Variants in ASXL3 observed in about 807,000 individuals in gnomAD.
The protein encoded by ASXL3 is ASXL transcriptional regulator 3, also known as putative Polycomb group protein ASXL3.
Under a neutral mutation model 170.6 loss-of-function variants are expected in ASXL3, and 34 were observed. The observed-to-expected ratio is 0.20, with a 90% CI of 0.15 to 0.27. ASXL3 has a LOEUF of 0.27. Ranked by LOEUF, ASXL3 falls within the 10% of genes least tolerant of loss-of-function variation. ASXL3 has a pLI of 1.00. For missense variants in ASXL3, 2,592 were observed against 2,695.3 expected (o/e 0.96, Z 0.85); for synonymous variants, 1,002 against 989.1 (o/e 1.01, Z -0.24).
intron 2 of ASXL3, among the ~76,000 whole-genome samples, chr18:33,618,784 G>T (rs193159126): frequency 2.0e-5 from 3 of 152,016 alleles, no homozygotes; most frequent in East Asian, 1.9e-4. Context: ...GTTATTTTTT[G>T]ATTTTAAAGT....
At chr18:33,632,356 C>CA (rs1006001049) in intron 2 of ASXL3, among the ~76,000 whole-genome samples, 1 of 152,124 alleles carries the variant, frequency 6.6e-6, no homozygotes, top group African/African-American at 2.4e-5. Flanking sequence ...ACAACCATGA[C>CA]AATCACTTGT....
intron 4 of ASXL3, among the ~76,000 whole-genome samples, chr18:33,652,234 C>T (rs932290442): frequency 1.3e-5 from 2 of 151,958 alleles, no homozygotes; most frequent in African/African-American, 4.8e-5. Context: ...GAGCATAATA[C>T]ATTGATATAT....
chr18:33,666,675 C>A (rs2066260246), intron 5 of ASXL3, among the ~76,000 whole-genome samples: 2 of 152,096 alleles, frequency 1.3e-5, no homozygotes, highest in Admixed American at 1.3e-4. Context: ...AAGCTCAAAG[C>A]TGCAGACAGT....
At chr18:33,650,076 CA>C (rs1479255919) in intron 4 of ASXL3, among the ~76,000 whole-genome samples, 1 of 151,898 alleles carries the variant, frequency 6.6e-6, no homozygotes, top group Non-Finnish European at 1.5e-5. Context: ...TTCTTTTTTG[CA>C]CAAAGATGTT....
chr18:33,727,447 T>C (rs1460633634), intron 8 of ASXL3, among the ~76,000 whole-genome samples: 2 of 152,130 alleles, frequency 1.3e-5, no homozygotes, highest in South Asian at 4.1e-4. Context: ...TTAAAATGTA[T>C]GTTAATAGGA....
chr18:33,578,795 C>G, intron 1 of ASXL3, 110 bp downstream of exon 1: 1 of 646,522 alleles, frequency 1.5e-6, no homozygotes, highest in Non-Finnish European at 2.0e-6. Flanking sequence ...CCGCCGCCCG[C>G]TCGCCGGGCT....
At chr18:33,591,534 A>C (rs1003543575) in intron 1 of ASXL3, among the ~76,000 whole-genome samples, 15 of 152,310 alleles carry the variant, frequency 9.8e-5, no homozygotes, top group African/African-American at 2.9e-4. Context: ...TTACAAACCA[A>C]GTTCCAGTAA....
chr18:33,647,477 G>A (rs1464621299), intron 4 of ASXL3, among the ~76,000 whole-genome samples: 1 of 152,040 alleles, frequency 6.6e-6, no homozygotes, highest in Non-Finnish European at 1.5e-5. Context: ...CCCAATTGTT[G>A]TGGTAATGGT....
At chr18:33,740,563 T>C in intron 11 of ASXL3, 120 bp downstream of exon 11, 1 of 968,598 alleles carries the variant, frequency 1.0e-6, no homozygotes, top group Non-Finnish European at 1.5e-6. Flanking sequence ...GTTTATAATC[T>C]AATCCTCTAA....
chr18:33,691,720 T>C (rs1255900385), intron 8 of ASXL3, among the ~76,000 whole-genome samples: 2 of 152,004 alleles, frequency 1.3e-5, no homozygotes, highest in African/African-American at 4.8e-5. Flanking sequence ...TATGGGAACA[T>C]AGAGGAGATA....
rs75538324 is a variant in ASXL3 at position 33,738,218 on chromosome 18, T to C, written c.1083-269T>C. ...TGTTGTATGTAATTTTCATATTCCT[T>C]TACTAACACTTGGTAAGGCTCCTAT... On this transcript the variant is annotated intron_variant, in intron 10 of 11. Transcript: ENST00000269197. Among the ~76,000 whole-genome samples the C allele has an allele frequency of 0.023, 3,432 of 152,208 alleles. 133 individuals are homozygous for C. Among genetic ancestry groups the C allele is most frequent in the African/African-American group, 0.079 (3,262 of 41,524 alleles).
At chr18:33,716,659 C>T (rs990883339) in intron 8 of ASXL3, among the ~76,000 whole-genome samples, 1 of 152,090 alleles carries the variant, frequency 6.6e-6, no homozygotes, top group Non-Finnish European at 1.5e-5. Flanking sequence ...GGTTGGTTTG[C>T]AGTCTTTATG....
chr18:33,622,431 T>A (rs1263505641), intron 2 of ASXL3, among the ~76,000 whole-genome samples: 7 of 152,176 alleles, frequency 4.6e-5, no homozygotes, highest in Non-Finnish European at 8.8e-5. Flanking sequence ...TTTTTCTTAG[T>A]TTGGAGAATC....
intron 10 of ASXL3, among the ~76,000 whole-genome samples, chr18:33,735,789 C>A (rs879440716): frequency 8.6e-4 from 131 of 151,986 alleles, no homozygotes; most frequent in Admixed American, 4.0e-3. Context: ...AGTGATAGAC[C>A]CATTCTTTTA....
intron 2 of ASXL3, among the ~76,000 whole-genome samples, chr18:33,611,138 TAAAG>T (rs2065330672): frequency 6.6e-6 from 1 of 152,102 alleles, no homozygotes; most frequent in African/African-American, 2.4e-5. Context: ...GTAGACATGA[TAAAG>T]ATAGGACAAC....
intron 1 of ASXL3, among the ~76,000 whole-genome samples, chr18:33,588,196 C>T (rs1809547173): frequency 2.0e-5 from 3 of 151,986 alleles, no homozygotes; most frequent in East Asian, 1.9e-4. Context: ...TCTAGCAGAT[C>T]GTTATCTAGC....
intron 5 of ASXL3, among the ~76,000 whole-genome samples, chr18:33,662,245 G>T (rs1021221854): frequency 6.6e-6 from 1 of 152,094 alleles, no homozygotes; most frequent in African/African-American, 2.4e-5. Context: ...TTATTCTGCC[G>T]TCACAGAGGC....
chr18:33,658,187 T>TA, intron 4 of ASXL3, among the ~76,000 whole-genome samples: 1 of 152,298 alleles, frequency 6.6e-6, no homozygotes, highest in East Asian at 1.9e-4. Flanking sequence ...ATCCTTTCTT[T>TA]AACATTAATT....
At chr18:33,631,610 G>A (rs1343980057) in intron 2 of ASXL3, among the ~76,000 whole-genome samples, 3 of 152,146 alleles carry the variant, frequency 2.0e-5, no homozygotes, top group African/African-American at 7.2e-5. Flanking sequence ...TCATAGCAGT[G>A]CTATTTTAAT....
Sources: allele counts gnomAD v4.1 joint callset (sites outside exome capture counted in the v4.1 genomes callset), GRCh38; gene constraint gnomAD v4.1.1; transcripts MANE v1.5; gene names NCBI Gene and HGNC (gene_info 2026-07-23, HGNC 2026-07-21).